The following MITF variants were observed in gnomAD, a reference collection of about 807,000 sequenced individuals.
MITF encodes the protein melanocyte inducing transcription factor.
A neutral mutation model predicts 60.5 loss-of-function variants in MITF; 17 were observed. The observed-to-expected ratio is 0.28, with a 90% CI of 0.19 to 0.42. The LOEUF (loss-of-function observed/expected upper bound fraction) is 0.42. Among genes scored for constraint, MITF ranks in the 10% least tolerant of loss-of-function variants. The pLI is 1.00. For synonymous variants in MITF, 260 were observed against 248.5 expected, an observed-to-expected ratio of 1.05 and a Z score of -0.43; for missense variants, 622 against 683.5, an observed-to-expected ratio of 0.91 and a Z score of 1.00.
At chr3:69,774,168 A>G (rs768847361) in intron 1 of MITF, among the ~76,000 whole-genome samples, 1 of 152,218 alleles carries the variant, frequency 6.6e-6, no homozygotes, top group Non-Finnish European at 1.5e-5. Context: ...ACAACCAGTT[A>G]GACCTAGTGC....
intron 1 of MITF, among the ~76,000 whole-genome samples, chr3:69,800,117 C>T (rs1326003565): frequency 6.6e-6 from 1 of 152,144 alleles, no homozygotes; most frequent in Non-Finnish European, 1.5e-5. Flanking sequence ...GTCCCAACTC[C>T]CCTGCTCCTA....
intron 1 of MITF, among the ~76,000 whole-genome samples, chr3:69,831,505 G>C (rs1327437804): frequency 1.3e-5 from 2 of 152,056 alleles, no homozygotes; most frequent in Non-Finnish European, 2.9e-5. Context: ...TGTTTGACTA[G>C]ATAGCAGTAG....
At chr3:69,794,624 TAGC>T (rs1328104876) in intron 1 of MITF, among the ~76,000 whole-genome samples, 2 of 152,192 alleles carry the variant, frequency 1.3e-5, no homozygotes, top group Non-Finnish European at 2.9e-5. Flanking sequence ...ATTAAAAAAA[TAGC>T]AGTGTCATCC....
intron 2 of MITF, among the ~76,000 whole-genome samples, chr3:69,880,659 G>A (rs1251625805): frequency 6.6e-6 from 1 of 151,922 alleles, no homozygotes; most frequent in Non-Finnish European, 1.5e-5. Flanking sequence ...TTCTGCTTGG[G>A]TGAAAATTGA....
rs137874896 is a variant in MITF, at chr3:69,749,639, G to T, written c.104+9938G>T. 6.6e-5 allele frequency among the ~76,000 whole-genome samples: 10 copies of T among 152,348 alleles called. No individual in the cohort carries two copies. In the East Asian group the frequency reaches 1.9e-3, roughly 29 times the overall value. On this transcript the variant is annotated intron_variant, in intron 1 of 9. Transcript: ENST00000352241. ...AAAGGAAGAGTTTACAATAGCTTAT[G>T]TGAAGCAATACCTAAAAATATAAGC... is the stretch of plus-strand genomic sequence containing the variant.
intron 1 of MITF, among the ~76,000 whole-genome samples, chr3:69,795,364 C>T (rs940782778): frequency 2.0e-5 from 3 of 152,074 alleles, no homozygotes; most frequent in East Asian, 3.8e-4. Context: ...TAGAAAATTA[C>T]GTGATAACTC....
intron 1 of MITF, among the ~76,000 whole-genome samples, chr3:69,874,837 G>A (rs189795406): frequency 1.3e-5 from 2 of 152,298 alleles, no homozygotes; most frequent in East Asian, 3.9e-4. Context: ...ATTGTTAGGT[G>A]GCTGACAAAG....
chr3:69,870,346 A>T (rs2064205314), intron 1 of MITF, among the ~76,000 whole-genome samples: 1 of 149,376 alleles, frequency 6.7e-6, no homozygotes, highest in Admixed American at 6.7e-5. Flanking sequence ...ACATGTGTGT[A>T]TATATGTATG....
intron 1 of MITF, among the ~76,000 whole-genome samples, chr3:69,793,738 C>T (rs1280364870): frequency 2.0e-5 from 3 of 152,164 alleles, no homozygotes; most frequent in Admixed American, 2.0e-4. Context: ...ATGTCACATG[C>T]ATTAGAAGTG....
chr3:69,947,261 G>A (rs1221602146), intron 5 of MITF, among the ~76,000 whole-genome samples: 2 of 152,102 alleles, frequency 1.3e-5, no homozygotes, highest in Admixed American at 6.5e-5. Flanking sequence ...AAACCTCAAC[G>A]TTTTCCCAAA....
intron 2 of MITF, among the ~76,000 whole-genome samples, chr3:69,886,354 C>T (rs1029464293): frequency 5.9e-5 from 9 of 152,194 alleles, no homozygotes; most frequent in African/African-American, 2.2e-4. Flanking sequence ...GTGGGATGAA[C>T]ACTTCAGGTC....
In MITF at chr3:69,854,127, C is replaced by T. The variant is rs549205353; in HGVS notation, c.105-25007C>T. On this transcript the variant is annotated intron_variant, in intron 1 of 9. Coordinates refer to ENST00000352241, the MANE Select transcript of MITF (RefSeq NM_001354604.2). ...CCTCCCAAAGTGCTGGGATTACAGGCGTGAGCCACCGAGCCCAGCTGATCA... is the reference window on the plus strand; with the variant it reads ...CCTCCCAAAGTGCTGGGATTACAGGTGTGAGCCACCGAGCCCAGCTGATCA... Among the ~76,000 whole-genome samples the T allele has an allele frequency of 5.3e-5, 8 of 152,286 alleles. 1 individual carries two copies. The highest frequency in any genetic ancestry group is 2.1e-4 in the South Asian group (1 of 4,822).
intron 1 of MITF, among the ~76,000 whole-genome samples, chr3:69,772,303 T>A (rs1333225886): frequency 6.6e-6 from 1 of 152,222 alleles, no homozygotes; most frequent in African/African-American, 2.4e-5. Flanking sequence ...TAAGTTATAA[T>A]TGAAGCTTCA....
intron 1 of MITF, among the ~76,000 whole-genome samples, chr3:69,862,441 A>G (rs1393295007): frequency 6.6e-6 from 1 of 152,218 alleles, no homozygotes; most frequent in Non-Finnish European, 1.5e-5. Flanking sequence ...GAGTAGAAGT[A>G]TGAGTTTACT....
chr3:69,905,423 T>C (rs1440282593), intron 2 of MITF, among the ~76,000 whole-genome samples: 2 of 152,112 alleles, frequency 1.3e-5, no homozygotes, highest in African/African-American at 4.8e-5. Context: ...TCTTAGAATA[T>C]TACAAAGTTC....
At chr3:69,855,469 T>C (rs926145842) in intron 1 of MITF, among the ~76,000 whole-genome samples, 3 of 152,138 alleles carry the variant, frequency 2.0e-5, no homozygotes, top group African/African-American at 7.2e-5. Flanking sequence ...AATGCTAAAA[T>C]GATAGGGCCT....
intron 7 of MITF, among the ~76,000 whole-genome samples, chr3:69,952,435 C>A (rs528345741): frequency 6.6e-6 from 1 of 152,168 alleles, no homozygotes; most frequent in East Asian, 1.9e-4. Flanking sequence ...TTGTCTCCTA[C>A]GAATACTTTA....
chr3:69,858,641 C>T (rs546045117), intron 1 of MITF, among the ~76,000 whole-genome samples: 2 of 152,108 alleles, frequency 1.3e-5, no homozygotes, highest in South Asian at 2.1e-4. Flanking sequence ...ACTGAAAAGA[C>T]AGAGTTTGTT....
chr3:69,747,731 C>T (rs1398035670), intron 1 of MITF, among the ~76,000 whole-genome samples: 2 of 152,200 alleles, frequency 1.3e-5, no homozygotes, highest in African/African-American at 4.8e-5. Context: ...TAACCCTGGA[C>T]TAAAAGAGGA....
Sources: allele counts gnomAD v4.1 joint callset (sites outside exome capture counted in the v4.1 genomes callset), GRCh38; gene constraint gnomAD v4.1.1; transcripts MANE v1.5; gene names NCBI Gene and HGNC (gene_info 2026-07-23, HGNC 2026-07-21).